The following LSAMP variants were observed in gnomAD, a reference collection of about 807,000 sequenced individuals.
LSAMP encodes limbic system-associated membrane protein.
A neutral mutation model predicts 38.6 loss-of-function variants in LSAMP; 7 were observed. The observed-to-expected ratio is 0.18, with a 90% CI of 0.10 to 0.34. LSAMP has a LOEUF of 0.34. Ranked by LOEUF, LSAMP falls within the 10% of genes least tolerant of loss-of-function variation. The probability of loss-of-function intolerance (pLI) is 1.00; values close to 1 mark genes in which losing one functional copy is unlikely to be tolerated. For missense variants in LSAMP, 313 were observed against 420.0 expected, an observed-to-expected ratio of 0.75 and a Z score of 2.23; for synonymous variants, 154 against 166.8, an observed-to-expected ratio of 0.92 and a Z score of 0.59.
At chr3:115,966,941 A>G (rs2107604155) in intron 3 of LSAMP, among the ~76,000 whole-genome samples, 1 of 152,310 alleles carries the variant, frequency 6.6e-6, no homozygotes, top group South Asian at 2.1e-4. Context: ...AAGGAAGGGG[A>G]AGGGGATGAA....
In LSAMP at chr3:115,928,682, G is replaced by GT. The variant is rs201656898; in HGVS notation, c.515-76066_515-76065insA. Reference sequence around the variant, plus strand: ...ACTGCAGAGTCCTGCAGAGTGCAGGGGGTGAGGAGGGGCTGTAAAGGAAAA... The same window carrying GT: ...ACTGCAGAGTCCTGCAGAGTGCAGGGTGGTGAGGAGGGGCTGTAAAGGAAAA... On this transcript the variant is annotated intron_variant, in intron 3 of 6. Transcript: ENST00000490035. Among the ~76,000 whole-genome samples, 926 of 104,104 alleles carry GT rather than the reference G, an allele frequency of 8.9e-3. 3 individuals are homozygous for GT. Among genetic ancestry groups the GT allele is most frequent in the Non-Finnish European group, 0.012 (573 of 49,146 alleles). The allele number at this position is 104,104 out of a possible 152,430, so 68.3% of individuals were successfully genotyped here.
chr3:116,123,300 C>G (rs1484321403), intron 1 of LSAMP, among the ~76,000 whole-genome samples: 1 of 152,148 alleles, frequency 6.6e-6, no homozygotes, highest in Admixed American at 6.5e-5. Context: ...GCCATGACAC[C>G]TCCTCCAGTC....
chr3:115,991,987 T>C (rs956991458), intron 3 of LSAMP, among the ~76,000 whole-genome samples: 3 of 152,020 alleles, frequency 2.0e-5, no homozygotes, highest in East Asian at 3.9e-4. Context: ...CTAGATTTTT[T>C]CCCCCTCAAT....
intron 1 of LSAMP, among the ~76,000 whole-genome samples, chr3:116,182,457 C>T (rs1239868275): frequency 6.6e-6 from 1 of 151,452 alleles, no homozygotes; most frequent in African/African-American, 2.4e-5. Flanking sequence ...AGAGCCTAAT[C>T]TAGAAGTCTG....
intron 1 of LSAMP, among the ~76,000 whole-genome samples, chr3:116,377,719 C>T (rs1311546248): frequency 6.6e-6 from 1 of 151,992 alleles, no homozygotes; most frequent in African/African-American, 2.4e-5. Context: ...TGTTTTCATG[C>T]TCTTCATGAC....
chr3:116,426,803 G>A (rs1337792644), intron 1 of LSAMP, among the ~76,000 whole-genome samples: 1 of 151,964 alleles, frequency 6.6e-6, no homozygotes, highest in Non-Finnish European at 1.5e-5. Flanking sequence ...CAACAGCATA[G>A]TGAGGTTATA....
intron 1 of LSAMP, among the ~76,000 whole-genome samples, chr3:116,098,039 G>A (rs763764541): frequency 3.3e-5 from 5 of 152,064 alleles, no homozygotes; most frequent in African/African-American, 7.2e-5. Flanking sequence ...CTGGCCAGAA[G>A]TCTTTATTTT....
At chr3:116,273,272 A>G (rs1018463067) in intron 1 of LSAMP, among the ~76,000 whole-genome samples, 1 of 151,950 alleles carries the variant, frequency 6.6e-6, no homozygotes, top group Non-Finnish European at 1.5e-5. Context: ...CTGGCTTCCA[A>G]GTTGATTCCC....
intron 6 of LSAMP, among the ~76,000 whole-genome samples, chr3:115,829,032 G>T (rs2107479598): frequency 6.6e-6 from 1 of 152,266 alleles, no homozygotes; most frequent in East Asian, 1.9e-4. Context: ...AGGATTTTTA[G>T]TCATTTAGCT....
intron 1 of LSAMP, among the ~76,000 whole-genome samples, chr3:116,397,546 G>A (rs1311854620): frequency 6.6e-6 from 1 of 152,016 alleles, no homozygotes; most frequent in Non-Finnish European, 1.5e-5. Context: ...CAAGCTTCGT[G>A]AGGACTGAAA....
chr3:116,167,948 G>A (rs1046035605), intron 1 of LSAMP, among the ~76,000 whole-genome samples: 1 of 152,114 alleles, frequency 6.6e-6, no homozygotes, highest in Non-Finnish European at 1.5e-5. Flanking sequence ...CAAGTACTGA[G>A]CCAGGGGATG....
At chr3:116,076,928 T>C (rs1486499187) in intron 2 of LSAMP, among the ~76,000 whole-genome samples, 1 of 152,072 alleles carries the variant, frequency 6.6e-6, no homozygotes, top group Non-Finnish European at 1.5e-5. Flanking sequence ...ATTTTTAGTA[T>C]ATTTTATGTG....
At chr3:115,845,986 C>A (rs1409343745) in intron 4 of LSAMP, among the ~76,000 whole-genome samples, 3 of 152,098 alleles carry the variant, frequency 2.0e-5, no homozygotes, top group African/African-American at 7.2e-5. Context: ...ACAAAGAGCT[C>A]ATTGTTTCTA....
At chr3:116,185,108 T>C (rs2107574539) in intron 1 of LSAMP, among the ~76,000 whole-genome samples, 1 of 150,866 alleles carries the variant, frequency 6.6e-6, no homozygotes, top group East Asian at 2.0e-4. Context: ...ATAGATTTCT[T>C]CATTTTTCCC....
At chr3:115,863,132 G>C (rs925701400) in intron 3 of LSAMP, among the ~76,000 whole-genome samples, 3 of 152,218 alleles carry the variant, frequency 2.0e-5, no homozygotes, top group African/African-American at 7.2e-5. Flanking sequence ...TACTGCTATA[G>C]TCTCGAACTT....
At chr3:116,031,192 G>A (rs918235324) in intron 2 of LSAMP, among the ~76,000 whole-genome samples, 1 of 151,998 alleles carries the variant, frequency 6.6e-6, no homozygotes, top group African/African-American at 2.4e-5. Context: ...TAAAGGGTTC[G>A]GGGAACAATT....
At chr3:116,261,776 A>G (rs2046830334) in intron 1 of LSAMP, among the ~76,000 whole-genome samples, 1 of 151,548 alleles carries the variant, frequency 6.6e-6, no homozygotes, top group Non-Finnish European at 1.5e-5. Context: ...TTTTCACTTG[A>G]ATGTGTGTTA....
intron 3 of LSAMP, among the ~76,000 whole-genome samples, chr3:115,936,403 TATTA>T (rs1432904519): frequency 1.3e-5 from 2 of 152,220 alleles, no homozygotes; most frequent in African/African-American, 4.8e-5. Flanking sequence ...TTCATGCTTT[TATTA>T]ATTTGGTGTG....
chr3:115,862,186 G>T (rs1208681394), intron 3 of LSAMP, among the ~76,000 whole-genome samples: 1 of 152,098 alleles, frequency 6.6e-6, no homozygotes, highest in Non-Finnish European at 1.5e-5. Context: ...GAACTGTGGG[G>T]GTATTACCAG....
Sources: gnomAD v4.1 joint callset for allele counts (sites outside exome capture counted in the v4.1 genomes callset) on GRCh38, gnomAD v4.1.1 for gene constraint, MANE v1.5 for transcripts, NCBI Gene and HGNC (gene_info 2026-07-23, HGNC 2026-07-21) for gene names.